Variants in IL2RG observed in about 807,000 individuals in gnomAD.
IL2RG encodes cytokine receptor common subunit gamma.
For synonymous variants in IL2RG, 111 were observed against 108.5 expected (o/e 1.02, Z -0.15); for missense variants, 205 against 272.9 (o/e 0.75, Z 1.75).
In IL2RG at chrX:71,107,804, C is replaced by T. The variant is rs140216601; in HGVS notation, c.1042G>A (p.Ala348Thr). ...KGGALGEGPG[A>T]SPCNQHSPYW... The stretch of plus-strand genomic sequence containing the variant: ...GGGCTATGCTGGTTGCATGGGGAGG[C>T]CCCAGGCCCCTCCCCAAGGGCCCCT... Residue 348 changes from alanine to threonine, a missense_variant, in exon 8 of 8, where the codon GCC becomes ACC. Ala to Thr is a moderately conservative substitution (Grantham distance 58). Coordinates refer to ENST00000374202, the MANE Select transcript of IL2RG (RefSeq NM_000206.3). The T allele has an allele frequency of 4.0e-5, 47 of 1,189,767 alleles. No individual in the cohort carries two copies. In the Middle Eastern group the frequency reaches 7.1e-4, roughly 18 times the overall value.
At chrX:71,110,477 T>C (rs1422419501) in intron 3 of IL2RG, 27 bp downstream of exon 3, 13 of 1,191,383 alleles carry the variant, frequency 1.1e-5, no homozygotes, top group Non-Finnish European at 1.4e-5. Context: ...GTATCCCTGG[T>C]CTCTTGACCC....
In IL2RG at chrX:71,107,932, A is replaced by G. The variant is rs777652209; in HGVS notation, c.925-11T>C. 1 of 1,197,809 alleles carries G rather than the reference A, an allele frequency of 8.3e-7. No individual in the cohort carries two copies. Among genetic ancestry groups the G allele is most frequent in the Non-Finnish European group, 1.1e-6 (1 of 883,260 alleles). On this transcript the variant is annotated splice_polypyrimidine_tract_variant and intron_variant, in intron 7 of 7. Coordinates refer to ENST00000374202, the MANE Select transcript of IL2RG (RefSeq NM_000206.3). ...CACACCACTCCAGGCCTAAAGACAG[A>G]TATGTCCAGGTCAGGGGTCAATTAG...
intron 7 of IL2RG, 123 bp from the exon 8 acceptor site, chrX:71,108,044 A>G: frequency 1.7e-6 from 1 of 593,623 alleles, no homozygotes; most frequent in Non-Finnish European, 2.8e-6. Flanking sequence ...AGGGATACAC[A>G]GGCTCCTGGG....
rs201825470 is a variant in IL2RG, at chrX:71,111,085, A to G, written c.116-35T>C. ...GGAGAAAATGAAGGCAGGGAGGGAA[A>G]GAGAAATGATGGTCAGAAGGAGGAG... On this transcript the variant is annotated intron_variant, in intron 1 of 7. Transcript: ENST00000374202. 2.0e-4 allele frequency: 232 copies of G among 1,152,091 alleles called. 1 individual carries two copies. The African/African-American group carries it at 3.3e-3, about 16-fold the overall frequency. 94.9% of individuals were successfully genotyped at this position (1,152,091 alleles called of 1,213,427 possible). A position where few individuals can be genotyped will look rare whatever the true frequency, so the allele number is the denominator to read the frequency against.
rs1270559875 is a variant in IL2RG, at chrX:71,108,714, C to A, written c.758-19G>T. On this transcript the variant is annotated intron_variant, in intron 5 of 7. Coordinates refer to ENST00000374202, the MANE Select transcript of IL2RG (RefSeq NM_000206.3). ...GGATTCTCTATAGAAAAAAGAAAAG[C>A]AAAGTGGACCTTATATTTGTTGTGC... 1.9e-6 allele frequency: 2 copies of A among 1,049,030 alleles called. No homozygotes were observed. Among genetic ancestry groups the A allele is most frequent in the South Asian group, 2.0e-5 (1 of 50,104 alleles). 86.5% of individuals were successfully genotyped at this position (1,049,030 alleles called of 1,213,427 possible).
Position 71,110,646 on chromosome X carries a change from G to A in IL2RG, c.312C>T (p.His104=). 1 of 1,210,161 alleles carries A rather than the reference G, an allele frequency of 8.3e-7. No homozygotes were observed. Among genetic ancestry groups the A allele is most frequent in the Non-Finnish European group, 1.1e-6 (1 of 894,048 alleles). ...AAGTGATTTCTTCAGAGAATAGATA[G>A]TGGCTGCACTTCTGGACTTTATCAT... ...SDNDKVQKCS[H]YLFSEEITSG... Residue 104 remains histidine (H), a synonymous_variant, in exon 3 of 8, where the codon CAC becomes CAT. Transcript: ENST00000374202.
Position 71,110,179 on chromosome X carries a change from T to C in IL2RG, c.571A>G (p.Thr191Ala). ...HCLEHLVQYR[T>A]DWDHSWTEQS... Reference sequence around the variant, plus strand: ...ACAGTCCAGCTGTGGTCCCAGTCAGTCCGGTACTGCACCAAGTGCTCCAAA... The same window carrying C: ...ACAGTCCAGCTGTGGTCCCAGTCAGCCCGGTACTGCACCAAGTGCTCCAAA... Residue 191 changes from threonine (T) to alanine (A), a missense_variant, in exon 4 of 8, where the codon ACT becomes GCT. Coordinates refer to ENST00000374202, the MANE Select transcript of IL2RG (RefSeq NM_000206.3). 1 of 1,211,007 alleles carries C rather than the reference T, an allele frequency of 8.3e-7. No individual in the cohort carries two copies. Among genetic ancestry groups the C allele is most frequent in the Non-Finnish European group, 1.1e-6 (1 of 894,991 alleles).
At position 71,107,662 on chromosome X, in the gene IL2RG, T is replaced by C; in HGVS notation, c.*74A>G. 1.2e-6 allele frequency: 1 copy of C among 822,365 alleles called. No individual in the cohort carries two copies. Among genetic ancestry groups the C allele is most frequent in the Non-Finnish European group, 1.7e-6 (1 of 605,422 alleles). The allele number at this position is 822,365 out of a possible 1,213,427, so 67.8% of individuals were successfully genotyped here. On this transcript the variant is annotated 3_prime_UTR_variant, in exon 8 of 8. Coordinates refer to ENST00000374202, the MANE Select transcript of IL2RG (RefSeq NM_000206.3). ...GGGTGAGGTGAGTATGAGACGCAGG[T>C]GGGTTGAATGAAGGAAAGTTAGTAC...
rs191302836 is a variant in IL2RG at position 71,109,958 on chromosome X, G to A, written c.594+198C>T. Among the ~76,000 whole-genome samples the A allele has an allele frequency of 0.02, 2,046 of 103,820 alleles. 18 individuals carry two copies. Among genetic ancestry groups the A allele is most frequent in the Middle Eastern group, 0.062 (13 of 210 alleles). The allele number at this position is 103,820 out of a possible 115,157, so 90.2% of individuals were successfully genotyped here. On this transcript the variant is annotated intron_variant, in intron 4 of 7. Transcript: ENST00000374202. ...AAAAAAAAAAAAAGAAAGAAAGAAA[G>A]AAAAGAAAAGAAAAAAAGAAAACTC...
Position 71,107,836 on chromosome X carries a change from G to C in IL2RG, c.1010C>G (p.Pro337Arg), listed in dbSNP as rs753250328. 7 of 1,206,781 alleles carry C rather than the reference G, an allele frequency of 5.8e-6. No homozygotes were observed. Among genetic ancestry groups the C allele is most frequent in the Non-Finnish European group, 7.8e-6 (7 of 891,978 alleles). ...CCCCTCCCCAAGGGCCCCTCCTTTT[G>C]GGGGAATCTCACTGACGAGGCAGAG... ...ERLCLVSEIP[P>R]KGGALGEGPG... Residue 337 changes from proline to arginine, a missense_variant, in exon 8 of 8, where the codon CCA becomes CGA. Coordinates refer to ENST00000374202, the MANE Select transcript of IL2RG (RefSeq NM_000206.3).
rs757926832 is a variant in IL2RG, at chrX:71,111,059, G to A, written c.116-9C>T. The A allele has an allele frequency of 1.7e-6, 2 of 1,187,155 alleles. No homozygotes were observed. Among genetic ancestry groups the A allele is most frequent in the South Asian group, 1.8e-5 (1 of 54,263 alleles). On this transcript the variant is annotated splice_polypyrimidine_tract_variant and intron_variant, in intron 1 of 7. Coordinates refer to ENST00000374202, the MANE Select transcript of IL2RG (RefSeq NM_000206.3). ...AGTGGTCAGGAAGAAATCTAGATTG[G>A]GGAGAAAATGAAGGCAGGGAGGGAA...
chrX:71,107,726 G>A lies in IL2RG; in HGVS notation c.*10C>T, dbSNP rs999688872. 1 of 1,127,041 alleles carries A rather than the reference G, an allele frequency of 8.9e-7. No individual in the cohort carries two copies. Among genetic ancestry groups the A allele is most frequent in the Non-Finnish European group, 1.2e-6 (1 of 853,188 alleles). The allele number at this position is 1,127,041 out of a possible 1,213,427, so 92.9% of individuals were successfully genotyped here. The stretch of plus-strand genomic sequence containing the variant: ...AGGACCCTGGGGTTCTTCTGTCAGA[G>A]GATTGGGGTTCAGGTTTCAGGCTTT... On this transcript the variant is annotated 3_prime_UTR_variant, in exon 8 of 8. Transcript: ENST00000374202.
Position 71,107,458 on chromosome X carries a change from A to G in IL2RG, c.*278T>C, listed in dbSNP as rs2092252821. On this transcript the variant is annotated 3_prime_UTR_variant, in exon 8 of 8. Transcript: ENST00000374202. ...TTCTCATCGGTTCAGGAACAATCGGAGGGTAGATGGAAAGAGGAAGGGAGG... is the reference window on the plus strand; with the variant it reads ...TTCTCATCGGTTCAGGAACAATCGGGGGGTAGATGGAAAGAGGAAGGGAGG... The G allele has an allele frequency of 3.7e-6, 1 of 269,759 alleles. No individual in the cohort carries two copies. The highest frequency in any genetic ancestry group is 6.6e-6 in the Non-Finnish European group (1 of 152,130). 22.2% of individuals were successfully genotyped at this position (269,759 alleles called of 1,213,427 possible).
chrX:71,108,202 C>T, intron 7 of IL2RG, 75 bp downstream of exon 7: 1 of 783,684 alleles, frequency 1.3e-6, no homozygotes, highest in Non-Finnish European at 2.0e-6. Context: ...TGCCCCCACC[C>T]CCACACTCTG....
rs2092260214 is a variant in IL2RG, at chrX:71,110,097, A to G, written c.594+59T>C. The G allele has an allele frequency of 6.0e-6, 7 of 1,165,942 alleles. 1 individual carries two copies. In the South Asian group the frequency reaches 9.0e-5, roughly 15 times the overall value. On this transcript the variant is annotated intron_variant, in intron 4 of 7. Coordinates refer to ENST00000374202, the MANE Select transcript of IL2RG (RefSeq NM_000206.3). ...TTAGGTCCTTCTATCTGTCTGGTTG[A>G]ATCCTTTAGCCCTACTTTCTTGGCC...
intron 6 of IL2RG, 38 bp from the exon 7 acceptor site, chrX:71,108,384 T>C (rs781072941): frequency 2.0e-6 from 2 of 984,220 alleles, no homozygotes; most frequent in African/African-American, 1.9e-5. Context: ...GCACATAGGT[T>C]AAAGCTTTTT....
chrX:71,107,798 G>A lies in IL2RG; in HGVS notation c.1048C>T (p.Pro350Ser), dbSNP rs1254542045. The A allele has an allele frequency of 1.4e-5, 17 of 1,181,598 alleles. No homozygotes were observed. The Admixed American group carries it at 4.1e-4, about 29-fold the overall frequency. ...GALGEGPGAS[P>S]CNQHSPYWAP... ...CAGTAGGGGCTATGCTGGTTGCATG[G>A]GGAGGCCCCAGGCCCCTCCCCAAGG... Residue 350 changes from proline to serine, a missense_variant, in exon 8 of 8, where the codon CCA (proline) becomes TCA (serine). By Grantham distance (74) the Pro-to-Ser change is moderately conservative. Transcript: ENST00000374202.
Position 71,110,695 on chromosome X carries a change from G to C in IL2RG, c.270-7C>G, listed in dbSNP as rs375596582. 8.3e-7 allele frequency: 1 copy of C among 1,199,334 alleles called. No homozygotes were observed. The highest frequency in any genetic ancestry group is 1.8e-5 in the African/African-American group (1 of 56,802). On this transcript the variant is annotated splice_region_variant and splice_polypyrimidine_tract_variant and intron_variant, in intron 2 of 7. Transcript: ENST00000374202. ...ATTATCCGAGTTCTTGTACCTAGAG[G>C]AGAAAGGTTGGAAGGAAGAGGAACA...
At chrX:71,109,942 A>AG (rs1189489430) in intron 4 of IL2RG, among the ~76,000 whole-genome samples, 6 of 102,873 alleles carry the variant, frequency 5.8e-5, no homozygotes, top group African/African-American at 1.9e-4. Flanking sequence ...AAAAAAAAAA[A>AG]AAAGAAAGAA....
Sources: allele counts gnomAD v4.1 joint callset (sites outside exome capture counted in the v4.1 genomes callset), GRCh38; gene constraint gnomAD v4.1.1; transcripts MANE v1.5; gene names NCBI Gene and HGNC (gene_info 2026-07-23, HGNC 2026-07-21).